Variants in COMMD10 observed in about 807,000 individuals in gnomAD.
COMMD10 encodes the protein COMM domain-containing protein 10.
In COMMD10, 33 loss-of-function variants were observed where a neutral mutation model predicts 28.9. The ratio of observed to expected loss-of-function variants is 1.14; its 90% confidence interval spans 0.87 to 1.53. The LOEUF is 1.53. Ranked by LOEUF, COMMD10 falls within the 40% of genes most tolerant of loss-of-function variation. The pLI is 0.00. For missense variants in COMMD10, 310 were observed against 233.4 expected, an observed-to-expected ratio of 1.33 and a Z score of -2.14; for synonymous variants, 110 against 81.7, an observed-to-expected ratio of 1.35 and a Z score of -1.87.
chr5:116,238,320 T>G (rs901948438), intron 5 of COMMD10, among the ~76,000 whole-genome samples: 11 of 152,192 alleles, frequency 7.2e-5, no homozygotes, highest in African/African-American at 2.7e-4. Context: ...GAACAGAGTT[T>G]TTCATGATTA....
At chr5:116,100,546 C>T (rs1404466662) in intron 4 of COMMD10, among the ~76,000 whole-genome samples, 22 of 120,304 alleles carry the variant, frequency 1.8e-4, no homozygotes, top group Non-Finnish European at 3.1e-4. Context: ...TGTAGATTTT[C>T]AGTTTTCTCA....
intron 5 of COMMD10, among the ~76,000 whole-genome samples, chr5:116,277,123 C>T (rs1750937828): frequency 1.3e-5 from 2 of 151,808 alleles, no homozygotes; most frequent in African/African-American, 4.9e-5. Context: ...AACCCATGTT[C>T]CATCCTTTAT....
intron 5 of COMMD10, among the ~76,000 whole-genome samples, chr5:116,196,288 C>G (rs1398573674): frequency 6.6e-6 from 1 of 151,922 alleles, no homozygotes; most frequent in East Asian, 1.9e-4. Context: ...TTTGTGGGAG[C>G]TAAGCTATGA....
chr5:116,260,695 T>C (rs1247622148), intron 5 of COMMD10, among the ~76,000 whole-genome samples: 1 of 151,882 alleles, frequency 6.6e-6, no homozygotes, highest in Non-Finnish European at 1.5e-5. Context: ...TCTTCTAAAA[T>C]GGCCAGAGAT....
rs181272662 is a variant in COMMD10 at position 116,255,366 on chromosome 5, G to C, written c.511-36151G>C. On this transcript the variant is annotated intron_variant, in intron 5 of 6. Transcript: ENST00000274458. ...ATGATGTTAGCTGGTTATTTTGCTC[G>C]TTAGTTGATGCAGTTTCTTCCTAGT... 3.3e-5 allele frequency among the ~76,000 whole-genome samples: 5 copies of C among 151,440 alleles called. No homozygotes were observed. In the South Asian group the frequency reaches 6.3e-4, roughly 19 times the overall value.
intron 5 of COMMD10, among the ~76,000 whole-genome samples, chr5:116,197,070 C>T (rs771422315): frequency 2.7e-5 from 4 of 150,778 alleles, no homozygotes; most frequent in Non-Finnish European, 4.4e-5. Flanking sequence ...TGTTTCTGTC[C>T]GTTAAATATT....
chr5:116,215,198 A>C (rs528928720), intron 5 of COMMD10, among the ~76,000 whole-genome samples: 16 of 152,150 alleles, frequency 1.1e-4, no homozygotes, highest in African/African-American at 3.6e-4. Flanking sequence ...TGAATCGGCA[A>C]ATGGGTAAAA....
chr5:116,141,369 A>G (rs1382333788), intron 5 of COMMD10, among the ~76,000 whole-genome samples: 2 of 151,548 alleles, frequency 1.3e-5, no homozygotes, highest in African/African-American at 4.8e-5. Flanking sequence ...GATACATCTA[A>G]CTTTGTTTTA....
intron 4 of COMMD10, among the ~76,000 whole-genome samples, chr5:116,115,217 A>G (rs1316396205): frequency 6.6e-6 from 1 of 151,986 alleles, no homozygotes; most frequent in Non-Finnish European, 1.5e-5. Context: ...GTCAAATTCA[A>G]GGTTTGGGAG....
intron 5 of COMMD10, among the ~76,000 whole-genome samples, chr5:116,155,391 G>A (rs78453397): frequency 0.013 from 2,005 of 151,996 alleles, 44 homozygotes; most frequent in African/African-American, 0.046. Context: ...ATTTAAAAAC[G>A]CTACTATTTT....
chr5:116,284,302 G>C (rs577306757), intron 5 of COMMD10, among the ~76,000 whole-genome samples: 1 of 151,516 alleles, frequency 6.6e-6, no homozygotes, highest in Non-Finnish European at 1.5e-5. Flanking sequence ...TAAAAACTAC[G>C]CACAGTATCA....
intron 5 of COMMD10, among the ~76,000 whole-genome samples, chr5:116,183,869 T>G (rs1171068758): frequency 1.3e-5 from 2 of 152,130 alleles, no homozygotes; most frequent in Admixed American, 6.6e-5. Context: ...GAATTAGTGC[T>G]TATTAGAAAT....
At position 116,093,264 on chromosome 5, in the gene COMMD10, A is replaced by T. The variant is rs577015989; in HGVS notation, c.399+564A>T. ...GACTAGAGGCACAGGACACTTCTCC[A>T]CAAAGAAGAACCAAAATAGTGAGTA... On this transcript the variant is annotated intron_variant, in intron 4 of 6. Coordinates refer to ENST00000274458, the MANE Select transcript of COMMD10 (RefSeq NM_016144.4). Among the ~76,000 whole-genome samples, 3 of 152,308 alleles carry T rather than the reference A, an allele frequency of 2.0e-5. No homozygotes were observed. In the East Asian group the frequency reaches 5.8e-4, roughly 29 times the overall value.
intron 5 of COMMD10, among the ~76,000 whole-genome samples, chr5:116,167,122 C>A (rs1198084515): frequency 6.6e-6 from 1 of 150,562 alleles, no homozygotes; most frequent in African/African-American, 2.5e-5. Context: ...GCAGGAATTG[C>A]TAATTAAAAT....
At chr5:116,178,823 A>G (rs1023778556) in intron 5 of COMMD10, among the ~76,000 whole-genome samples, 2 of 152,152 alleles carry the variant, frequency 1.3e-5, no homozygotes, top group African/African-American at 2.4e-5. Flanking sequence ...GCTGTAGTTG[A>G]TGCAGATGGC....
rs773603187 is a variant in COMMD10, at chr5:116,291,590, A to C, written c.570+14A>C. On this transcript the variant is annotated intron_variant, in intron 6 of 6. Transcript: ENST00000274458. ...TTCTATAACAAGGTCTGTATTTTTA[A>C]AATAATTTTCTAATATGTGGAGTTT... 2 of 1,459,868 alleles carry C rather than the reference A, an allele frequency of 1.4e-6. No homozygotes were observed. The highest frequency in any genetic ancestry group is 1.9e-6 in the Non-Finnish European group (2 of 1,062,334). 90.4% of individuals were successfully genotyped at this position (1,459,868 alleles called of 1,614,324 possible).
At chr5:116,213,431 A>G (rs1749018763) in intron 5 of COMMD10, among the ~76,000 whole-genome samples, 1 of 152,138 alleles carries the variant, frequency 6.6e-6, no homozygotes, top group Non-Finnish European at 1.5e-5. Flanking sequence ...AAAAATAATC[A>G]CTGAATATTA....
At chr5:116,103,681 C>T (rs1750739031) in intron 4 of COMMD10, among the ~76,000 whole-genome samples, 1 of 152,072 alleles carries the variant, frequency 6.6e-6, no homozygotes, top group South Asian at 2.1e-4. Context: ...CCCATTTGTC[C>T]ATTTTGGCTT....
intron 5 of COMMD10, among the ~76,000 whole-genome samples, chr5:116,206,139 G>A (rs1323947526): frequency 6.6e-6 from 1 of 152,170 alleles, no homozygotes; most frequent in Non-Finnish European, 1.5e-5. Context: ...TTCATATTTA[G>A]TTTATGGTGG....
Sources: allele counts gnomAD v4.1 joint callset (sites outside exome capture counted in the v4.1 genomes callset), GRCh38; gene constraint gnomAD v4.1.1; transcripts MANE v1.5; gene names NCBI Gene and HGNC (gene_info 2026-07-23, HGNC 2026-07-21).